Variants in TWIST2 observed in about 807,000 individuals in gnomAD.
The protein encoded by TWIST2 is twist-related protein 2.
A neutral mutation model predicts 11.6 loss-of-function variants in TWIST2; 1 was observed. The observed-to-expected ratio is 0.09, with a 90% CI of 0.03 to 0.41. The LOEUF is 0.41. TWIST2 is among the 10% of genes least tolerant of loss of function. The pLI is 0.98. For missense variants in TWIST2, 168 were observed against 226.4 expected (o/e 0.74, Z 1.66); for synonymous variants, 87 against 96.6 (o/e 0.90, Z 0.58).
chr2:238,862,085 A>C (rs1422906569), intron 1 of TWIST2, among the ~76,000 whole-genome samples: 1 of 152,228 alleles, frequency 6.6e-6, no homozygotes, highest in Non-Finnish European at 1.5e-5. Flanking sequence ...CGTGGACGGA[A>C]CACAGCGGGA....
At chr2:238,886,709 C>CCA (rs1693045172) in intron 1 of TWIST2, 1 of 152,008 alleles carries the variant, frequency 6.6e-6, no homozygotes. Flanking sequence ...GTTGGAAGGG[C>CCA]CATGTGTTTG....
Position 238,848,736 on chromosome 2 carries a change from A to G in TWIST2, c.*35+3A>G. The G allele has an allele frequency of 7.1e-7, 1 of 1,403,828 alleles. No individual in the cohort carries two copies. Among genetic ancestry groups the G allele is most frequent in the Non-Finnish European group, 9.2e-7 (1 of 1,084,052 alleles). The allele number at this position is 1,403,828 out of a possible 1,614,324, so 87.0% of individuals were successfully genotyped here. ...CACCTCCGGACCGGCGCGCCAGGGT[A>G]GGTGCTGCGCGCGCGACGGGCGCCC... On this transcript the variant is annotated splice_donor_region_variant and intron_variant, in intron 1 of 1. Coordinates refer to ENST00000612363, the MANE Select transcript of TWIST2 (RefSeq NM_001271893.4).
chr2:238,878,441 C>T (rs1692845020), intron 1 of TWIST2, among the ~76,000 whole-genome samples: 1 of 152,174 alleles, frequency 6.6e-6, no homozygotes, highest in African/African-American at 2.4e-5. Flanking sequence ...ATGTCGGCTC[C>T]TCATCCTAGT....
intron 1 of TWIST2, among the ~76,000 whole-genome samples, chr2:238,879,893 A>C (rs1692875739): frequency 1.3e-5 from 2 of 152,234 alleles, no homozygotes; most frequent in South Asian, 4.1e-4. Context: ...GGAGAGGCAG[A>C]GATAGTTTAT....
At chr2:238,907,544 TTGATTGGCCCACAAG>T (rs1693373862) in intron 1 of TWIST2, among the ~76,000 whole-genome samples, 1 of 152,088 alleles carries the variant, frequency 6.6e-6, no homozygotes, top group African/African-American at 2.4e-5. Flanking sequence ...CACCCACAGT[TTGATTGGCCCACAAG>T]TGCGCTTAGA....
At chr2:238,871,404 A>C (rs1574755961) in intron 1 of TWIST2, among the ~76,000 whole-genome samples, 1 of 56,984 alleles carries the variant, frequency 1.8e-5, no homozygotes. Flanking sequence ...CACACCACAC[A>C]CCCCACACAC....
chr2:238,864,294 A>C lies in TWIST2; in HGVS notation c.*35+15561A>C, dbSNP rs1312926513. Among the ~76,000 whole-genome samples, 1 of 152,184 alleles carries C rather than the reference A, an allele frequency of 6.6e-6. No individual in the cohort carries two copies. Among genetic ancestry groups the C allele is most frequent in the Non-Finnish European group, 1.5e-5 (1 of 68,042 alleles). ...GAGCGGCGATCGGGGCCTGATCCTC[A>C]GTTCGAAGACACAGATGCTCACTGC... is the stretch of plus-strand genomic sequence containing the variant. On this transcript the variant is annotated intron_variant, in intron 1 of 1. Transcript: ENST00000612363. The surrounding 1 kb of genome is among the most constrained non-coding windows in gnomAD (Gnocchi z 4.7).
At chr2:238,880,265 G>A (rs1420535398) in intron 1 of TWIST2, among the ~76,000 whole-genome samples, 1 of 150,980 alleles carries the variant, frequency 6.6e-6, no homozygotes, top group Non-Finnish European at 1.5e-5. Flanking sequence ...ATTGGTATTA[G>A]TGTTAGTACT....
intron 1 of TWIST2, among the ~76,000 whole-genome samples, chr2:238,862,092 G>T (rs1037742190): frequency 6.6e-6 from 1 of 152,230 alleles, no homozygotes; most frequent in Non-Finnish European, 1.5e-5. Flanking sequence ...GGAACACAGC[G>T]GGACATCAGG....
At chr2:238,896,824 C>T (rs1329985632) in intron 1 of TWIST2, among the ~76,000 whole-genome samples, 7 of 152,158 alleles carry the variant, frequency 4.6e-5, no homozygotes, top group African/African-American at 1.4e-4. Context: ...GTGGTGGCCT[C>T]CTTGTCACTC....
In TWIST2 at chr2:238,863,600, T is replaced by C. The variant is rs1692474017; in HGVS notation, c.*35+14867T>C. The stretch of plus-strand genomic sequence containing the variant: ...CATCCTCATTTCTTCTGCCTTTTTT[T>C]CACTCCTCTCTACGTAGTTGGGGAT... On this transcript the variant is annotated intron_variant, in intron 1 of 1. Coordinates refer to ENST00000612363, the MANE Select transcript of TWIST2 (RefSeq NM_001271893.4). This position sits in a 1 kb window ranked among gnomAD's most constrained non-coding sequence, Gnocchi z 4.7. 6.6e-6 allele frequency among the ~76,000 whole-genome samples: 1 copy of C among 152,194 alleles called. No individual in the cohort carries two copies. The highest frequency in any genetic ancestry group is 2.1e-4 in the South Asian group (1 of 4,830).
At position 238,881,087 on chromosome 2, in the gene TWIST2, AGT is replaced by A. The variant is rs563992638; in HGVS notation, c.*36-28750_*36-28749del. Among the ~76,000 whole-genome samples, 128 of 81,716 alleles carry A rather than the reference AGT, an allele frequency of 1.6e-3. 1 individual carries two copies. The highest frequency in any genetic ancestry group is 5.0e-3 in the African/African-American group (102 of 20,270). The allele number at this position is 81,716 out of a possible 152,430, so 53.6% of individuals were successfully genotyped here. A position where few individuals can be genotyped will look rare whatever the true frequency, so the allele number is the denominator to read the frequency against. On this transcript the variant is annotated intron_variant, in intron 1 of 1. Coordinates refer to ENST00000612363, the MANE Select transcript of TWIST2 (RefSeq NM_001271893.4). ...TAGTGTTAGTGTCAGCATTAGTATTAGTGTGTTAGTATTGGTATTAGTGTTAG... is the reference window on the plus strand; with the variant it reads ...TAGTGTTAGTGTCAGCATTAGTATTAGTGTTAGTATTGGTATTAGTGTTAG...
At chr2:238,854,726 AT>A (rs1692299387) in intron 1 of TWIST2, among the ~76,000 whole-genome samples, 1 of 152,048 alleles carries the variant, frequency 6.6e-6, no homozygotes, top group Non-Finnish European at 1.5e-5. Flanking sequence ...GGGTGGAGAG[AT>A]TTTGGCCCGC....
At chr2:238,882,930 G>T (rs1219865943) in intron 1 of TWIST2, among the ~76,000 whole-genome samples, 1 of 152,172 alleles carries the variant, frequency 6.6e-6, no homozygotes, top group African/African-American at 2.4e-5. Flanking sequence ...CTGGATGGAT[G>T]TAGGTCAGGG....
intron 1 of TWIST2, among the ~76,000 whole-genome samples, chr2:238,868,447 C>T (rs1183433994): frequency 2.0e-5 from 3 of 152,198 alleles, no homozygotes; most frequent in Non-Finnish European, 4.4e-5. Flanking sequence ...GGGTGGAGAG[C>T]CTCAGTGGGG....
chr2:238,880,849 GTATT>G (rs1268659784), intron 1 of TWIST2, among the ~76,000 whole-genome samples: 3 of 119,622 alleles, frequency 2.5e-5, no homozygotes, highest in Non-Finnish European at 3.5e-5. Context: ...GTTAGTACTA[GTATT>G]TATTAGTGTT....
At chr2:238,898,672 T>A (rs2106372176) in intron 1 of TWIST2, among the ~76,000 whole-genome samples, 1 of 152,364 alleles carries the variant, frequency 6.6e-6, no homozygotes, top group South Asian at 2.1e-4. Flanking sequence ...GGGTGAGTGC[T>A]CTGACCACTG....
chr2:238,900,750 A>C (rs998140482), intron 1 of TWIST2, among the ~76,000 whole-genome samples: 1 of 152,054 alleles, frequency 6.6e-6, no homozygotes, highest in African/African-American at 2.4e-5. Context: ...GCCAGCATGC[A>C]TCTGCTGGTT....
rs575453584 is a variant in TWIST2 at position 238,866,326 on chromosome 2, G to T, written c.*35+17593G>T. Among the ~76,000 whole-genome samples, 2 of 152,332 alleles carry T rather than the reference G, an allele frequency of 1.3e-5. No homozygotes were observed. Among genetic ancestry groups the T allele is most frequent in the South Asian group, 4.1e-4 (2 of 4,822 alleles). On this transcript the variant is annotated intron_variant, in intron 1 of 1. Transcript: ENST00000612363. This position sits in a 1 kb window ranked among gnomAD's most constrained non-coding sequence, Gnocchi z 4.9. ...TGGAGCAGTTGCCAGTAAGAACAGG[G>T]GTGAGGAGATGAGCAAACCCACATG... is the stretch of plus-strand genomic sequence containing the variant.
Sources: gnomAD v4.1 joint callset for allele counts (sites outside exome capture counted in the v4.1 genomes callset) on GRCh38, gnomAD v4.1.1 for gene constraint, Gnocchi (gnomAD v3.1) non-coding constraint, MANE v1.5 for transcripts, NCBI Gene and HGNC (gene_info 2026-07-23, HGNC 2026-07-21) for gene names.